EEF1AKMT2: variants seen among roughly 807,000 people sequenced by gnomAD.
The protein encoded by EEF1AKMT2 is EEF1A lysine methyltransferase 2.
In EEF1AKMT2, 32 loss-of-function variants were observed where a neutral mutation model predicts 35.8. The ratio of observed to expected loss-of-function variants is 0.89; its 90% CI spans 0.67 to 1.20. The LOEUF is 1.20. Among genes scored for constraint, EEF1AKMT2 ranks in the 50% most tolerant of loss-of-function variants. EEF1AKMT2 has a pLI of 0.00. For synonymous variants in EEF1AKMT2, 121 were observed against 133.7 expected (o/e 0.91, Z 0.65); for missense variants, 330 against 347.5 (o/e 0.95, Z 0.40).
chr10:124,762,383 C>A lies in EEF1AKMT2; in HGVS notation c.792G>T (p.Leu264=). The A allele has an allele frequency of 7.8e-7, 1 of 1,281,870 alleles. No individual in the cohort carries two copies. The highest frequency in any genetic ancestry group is 1.3e-5 in the South Asian group (1 of 78,080). 79.4% of individuals were successfully genotyped at this position (1,281,870 alleles called of 1,614,324 possible). Residue 264 remains leucine, a synonymous_variant, in exon 6 of 7, where the codon CTG becomes CTT. Transcript: ENST00000368836. ...TRFCHVVQAG[L]ELLGSSDSPT... ...GAGAATCACTTGAGCCCAGGAGTTC[C>A]AGACCAGCCTGGACAACATGGCAAA...
At chr10:124,780,452 T>C (rs915576252) in intron 3 of EEF1AKMT2, among the ~76,000 whole-genome samples, 16 of 152,202 alleles carry the variant, frequency 1.1e-4, no homozygotes, top group Admixed American at 3.9e-4. Context: ...AATTAAGACA[T>C]GTCAGCCAAT....
Position 124,789,062 on chromosome 10 carries a change from C to T in EEF1AKMT2, c.272G>A (p.Gly91Asp). 1 of 1,611,872 alleles carries T rather than the reference C, an allele frequency of 6.2e-7. No individual in the cohort carries two copies. The highest frequency in any genetic ancestry group is 8.5e-7 in the Non-Finnish European group (1 of 1,178,980). Residue 91 changes from glycine (G) to aspartate (D), a missense_variant, in exon 3 of 7, where the codon GGT (glycine) becomes GAT (aspartate). Gly to Asp is a moderately conservative substitution (Grantham distance 94). Coordinates refer to ENST00000368836, the MANE Select transcript of EEF1AKMT2 (RefSeq NM_212554.4). ...ASVLDIGTGN[G>D]VFLVELAKFG... Reference sequence around the variant, plus strand: ...ACCAACAAGTTCAACCAGGAAAACACCATTTCCAGTTCCAATATCAAGCAC... The same window carrying T: ...ACCAACAAGTTCAACCAGGAAAACATCATTTCCAGTTCCAATATCAAGCAC...
At position 124,765,554 on chromosome 10, in the gene EEF1AKMT2, C is replaced by T; in HGVS notation, c.454G>A (p.Asp152Asn). 1 of 1,613,864 alleles carries T rather than the reference C, an allele frequency of 6.2e-7. No individual in the cohort carries two copies. The highest frequency in any genetic ancestry group is 8.5e-7 in the Non-Finnish European group (1 of 1,179,914). Reference protein sequence around the residue: ...TQLSGFHICIDKGTFDAISLN... With the variant: ...TQLSGFHICINKGTFDAISLN... ...CTTATGGCATCAAAAGTCCCTTTGT[C>T]AATACAAATATGAAATCCAGACAGC... is the stretch of plus-strand genomic sequence containing the variant. Residue 152 changes from aspartate (D) to asparagine (N), a missense_variant, in exon 5 of 7, where the codon GAC becomes AAC. Coordinates refer to ENST00000368836, the MANE Select transcript of EEF1AKMT2 (RefSeq NM_212554.4).
At chr10:124,770,341 C>T (rs1950420274) in intron 4 of EEF1AKMT2, among the ~76,000 whole-genome samples, 2 of 152,128 alleles carry the variant, frequency 1.3e-5, no homozygotes, top group Admixed American at 6.5e-5. Context: ...CACTTGAACC[C>T]AGGAGGCGGA....
chr10:124,773,847 G>T (rs760836253), intron 4 of EEF1AKMT2, among the ~76,000 whole-genome samples: 1 of 152,102 alleles, frequency 6.6e-6, no homozygotes, highest in Admixed American at 6.6e-5. Context: ...TGAAAAAATG[G>T]TGTCAACAGA....
chr10:124,790,673 T>C (rs1381413682), intron 1 of EEF1AKMT2, among the ~76,000 whole-genome samples: 1 of 152,238 alleles, frequency 6.6e-6, no homozygotes, highest in Non-Finnish European at 1.5e-5. Context: ...CAAGCACATC[T>C]GGTCTCAAGT....
intron 3 of EEF1AKMT2, among the ~76,000 whole-genome samples, chr10:124,784,915 A>G (rs1299011551): frequency 1.4e-5 from 2 of 146,866 alleles, no homozygotes; most frequent in Non-Finnish European, 3.0e-5. Context: ...TGGAAGACAG[A>G]GCAAGATTCC....
Position 124,769,248 on chromosome 10 carries a change from A to ATATATATATATATG in EEF1AKMT2, c.400-3641_400-3640insCATATATATATATA, listed in dbSNP as rs60863408. On this transcript the variant is annotated intron_variant, in intron 4 of 6. Coordinates refer to ENST00000368836, the MANE Select transcript of EEF1AKMT2 (RefSeq NM_212554.4). ...AAAAAAAAAAAATATATATATATAT[A>ATATATATATATATG]TGTGTGTATAAATAAAACGAACAGA... Among the ~76,000 whole-genome samples, 336 of 63,736 alleles carry ATATATATATATATG rather than the reference A, an allele frequency of 5.3e-3. 7 individuals are homozygous for ATATATATATATATG. The highest frequency in any genetic ancestry group is 0.018 in the African/African-American group (326 of 18,230). The allele number at this position is 63,736 out of a possible 152,430, so 41.8% of individuals were successfully genotyped here.
At position 124,789,072 on chromosome 10, in the gene EEF1AKMT2, T is replaced by C; in HGVS notation, c.262A>G (p.Thr88Ala). The C allele has an allele frequency of 6.2e-7, 1 of 1,613,318 alleles. No homozygotes were observed. ...PLDASVLDIGTGNGVFLVELA... is the reference protein window; with the variant it reads ...PLDASVLDIGAGNGVFLVELA... Reference sequence around the variant, plus strand: ...TCAACCAGGAAAACACCATTTCCAGTTCCAATATCAAGCACTGAAGCATCC... The same window carrying C: ...TCAACCAGGAAAACACCATTTCCAGCTCCAATATCAAGCACTGAAGCATCC... The change falls in exon 3 of 7, where the codon ACT becomes GCT. Residue 88 changes from threonine (T) to alanine (A), a missense_variant. Transcript: ENST00000368836.
At chr10:124,784,815 C>T (rs1281655239) in intron 3 of EEF1AKMT2, among the ~76,000 whole-genome samples, 3 of 151,772 alleles carry the variant, frequency 2.0e-5, no homozygotes, top group African/African-American at 7.3e-5. Flanking sequence ...CCTATAATCT[C>T]AGCTACTCAG....
At chr10:124,787,470 C>G (rs1169783983) in intron 3 of EEF1AKMT2, among the ~76,000 whole-genome samples, 2 of 136,370 alleles carry the variant, frequency 1.5e-5, no homozygotes, top group African/African-American at 5.3e-5. Context: ...CTGAAAGACA[C>G]CAGGAATAGC....
chr10:124,762,494 A>G lies in EEF1AKMT2; in HGVS notation c.681T>C (p.Phe227=), dbSNP rs1176315387. ...AALTSWAQAI[F]STSASRVGGT... is the part of the protein sequence containing the mutation. ...CACCTACTCGGGAGGCTGAAGTGGA[A>G]AAGATCGCTTGAGCCCAGGAAGTCA... The change falls in exon 6 of 7, where the codon TTT becomes TTC. Residue 227 remains phenylalanine (F), a synonymous_variant. Transcript: ENST00000368836. The G allele has an allele frequency of 7.7e-7, 1 of 1,291,732 alleles. No homozygotes were observed. The allele number at this position is 1,291,732 out of a possible 1,614,324, so 80.0% of individuals were successfully genotyped here.
At chr10:124,783,916 C>A (rs1404507064) in intron 3 of EEF1AKMT2, among the ~76,000 whole-genome samples, 3 of 152,170 alleles carry the variant, frequency 2.0e-5, no homozygotes, top group Non-Finnish European at 4.4e-5. Flanking sequence ...CCTCCGCCTC[C>A]CAGGTTCAGG....
At chr10:124,791,507 G>A (rs1049999811) in intron 1 of EEF1AKMT2, among the ~76,000 whole-genome samples, 3 of 152,166 alleles carry the variant, frequency 2.0e-5, no homozygotes, top group Non-Finnish European at 2.9e-5. Context: ...AGCCCCTTGG[G>A]CTCCAATCCC....
At chr10:124,761,065 G>A (rs1445107312) in intron 6 of EEF1AKMT2, among the ~76,000 whole-genome samples, 6 of 152,112 alleles carry the variant, frequency 3.9e-5, no homozygotes, top group East Asian at 1.9e-4. Context: ...ACAGGGTTTC[G>A]CCATGTTGGC....
At position 124,758,941 on chromosome 10, in the gene EEF1AKMT2, C is replaced by T. The variant is rs1950307947; in HGVS notation, c.*1562G>A. 1 of 152,152 alleles carries T rather than the reference C, an allele frequency of 6.6e-6. No homozygotes were observed. The highest frequency in any genetic ancestry group is 2.1e-4 in the South Asian group (1 of 4,826). The allele number at this position is 152,152 out of a possible 1,614,324, so 9.4% of individuals were successfully genotyped here. ...TTTTGTTGACAGTCCACATACATGT[C>T]TTCAACTATCTTGTCTTAATGGTTG... On this transcript the variant is annotated 3_prime_UTR_variant, in exon 7 of 7. Transcript: ENST00000368836.
At chr10:124,782,525 T>C (rs1473625563) in intron 3 of EEF1AKMT2, among the ~76,000 whole-genome samples, 1 of 132,214 alleles carries the variant, frequency 7.6e-6, no homozygotes, top group African/African-American at 2.9e-5. Context: ...GAGCTTGCAG[T>C]GAGCCGAGAT....
chr10:124,787,989 T>C (rs1950601566), intron 3 of EEF1AKMT2, among the ~76,000 whole-genome samples: 1 of 152,226 alleles, frequency 6.6e-6, no homozygotes, highest in African/African-American at 2.4e-5. Context: ...CAATTCCCCA[T>C]AGCCTAAATG....
At chr10:124,771,745 T>C (rs2134128331) in intron 4 of EEF1AKMT2, among the ~76,000 whole-genome samples, 1 of 152,098 alleles carries the variant, frequency 6.6e-6, no homozygotes, top group Middle Eastern at 3.4e-3. Flanking sequence ...GGCAGGCACC[T>C]GTAGTCCCAG....
Sources: gnomAD v4.1 joint callset for allele counts (sites outside exome capture counted in the v4.1 genomes callset) on GRCh38, gnomAD v4.1.1 for gene constraint, MANE v1.5 for transcripts, NCBI Gene and HGNC (gene_info 2026-07-23, HGNC 2026-07-21) for gene names.